The following SYNDIG1 variants were observed in gnomAD, a reference collection of about 807,000 sequenced individuals.
The protein encoded by SYNDIG1 is synapse differentiation inducing 1.
Under a neutral mutation model 19.4 loss-of-function variants are expected in SYNDIG1, and 9 were observed. The observed-to-expected ratio is 0.46, with a 90% CI of 0.28 to 0.81. The LOEUF (loss-of-function observed/expected upper bound fraction) is 0.81. Among genes scored for constraint, SYNDIG1 ranks in the 30% least tolerant of loss-of-function variants. SYNDIG1 has a pLI of 0.12. For synonymous variants in SYNDIG1, 141 were observed against 145.9 expected (o/e 0.97, Z 0.24); for missense variants, 311 against 343.3 (o/e 0.91, Z 0.74).
intron 2 of SYNDIG1, among the ~76,000 whole-genome samples, chr20:24,556,913 T>A (rs1163843903): frequency 6.6e-6 from 1 of 152,206 alleles, no homozygotes; most frequent in Non-Finnish European, 1.5e-5. Context: ...TCCAACTTGG[T>A]TCCATTCTCC....
At chr20:24,533,767 C>G (rs2057307539) in intron 1 of SYNDIG1, among the ~76,000 whole-genome samples, 1 of 152,164 alleles carries the variant, frequency 6.6e-6, no homozygotes, top group African/African-American at 2.4e-5. Context: ...TTGGCCTGGC[C>G]TGACCTGTAT....
intron 2 of SYNDIG1, among the ~76,000 whole-genome samples, chr20:24,558,788 A>C (rs1051056665): frequency 6.6e-6 from 1 of 152,192 alleles, no homozygotes; most frequent in Non-Finnish European, 1.5e-5. Context: ...ATTCCAGTAA[A>C]ATATAGAAAC....
chr20:24,568,939 A>C (rs1453045172), intron 2 of SYNDIG1, among the ~76,000 whole-genome samples: 1 of 152,198 alleles, frequency 6.6e-6, no homozygotes, highest in Non-Finnish European at 1.5e-5. Flanking sequence ...GCACGTCCGT[A>C]ACCAGTTCTG....
At chr20:24,641,778 C>T (rs1310104328) in intron 3 of SYNDIG1, among the ~76,000 whole-genome samples, 1 of 152,224 alleles carries the variant, frequency 6.6e-6, no homozygotes. Context: ...AGACTCACAG[C>T]TCCTGGTCTC....
chr20:24,585,831 G>C (rs1236809757), intron 3 of SYNDIG1, among the ~76,000 whole-genome samples: 1 of 152,376 alleles, frequency 6.6e-6, no homozygotes, highest in African/African-American at 2.4e-5. Flanking sequence ...TCGGGGTGGT[G>C]CTGCGCACCC....
chr20:24,558,270 T>C (rs1236637454), intron 2 of SYNDIG1, among the ~76,000 whole-genome samples: 1 of 152,198 alleles, frequency 6.6e-6, no homozygotes, highest in Non-Finnish European at 1.5e-5. Flanking sequence ...CCAAAAAAAA[T>C]TGTCTACTGG....
chr20:24,594,811 A>G (rs2058571923), intron 3 of SYNDIG1, among the ~76,000 whole-genome samples: 1 of 151,824 alleles, frequency 6.6e-6, no homozygotes, highest in South Asian at 2.1e-4. Context: ...TGCTTTCTTG[A>G]ATCTTGGGTG....
chr20:24,633,436 G>A (rs1360989536), intron 3 of SYNDIG1, among the ~76,000 whole-genome samples: 1 of 152,320 alleles, frequency 6.6e-6, no homozygotes, highest in African/African-American at 2.4e-5. Context: ...ACGGGAGCAG[G>A]TGTAGGGGAG....
At chr20:24,482,002 C>T (rs1225026356) in intron 1 of SYNDIG1, among the ~76,000 whole-genome samples, 5 of 152,002 alleles carry the variant, frequency 3.3e-5, no homozygotes, top group Non-Finnish European at 5.9e-5. Context: ...AATTGGAACG[C>T]ATATAATAAT....
chr20:24,516,326 A>T (rs536407896), intron 1 of SYNDIG1, among the ~76,000 whole-genome samples: 1 of 152,366 alleles, frequency 6.6e-6, no homozygotes, highest in East Asian at 1.9e-4. Flanking sequence ...GCCAAAATTG[A>T]CAAATGGAAT....
intron 1 of SYNDIG1, among the ~76,000 whole-genome samples, chr20:24,516,081 A>C (rs1312800286): frequency 2.6e-5 from 4 of 152,244 alleles, no homozygotes; most frequent in Non-Finnish European, 5.9e-5. Context: ...AAAAACAAGA[A>C]ATGGGGAAAG....
At chr20:24,628,909 T>C (rs1325715660) in intron 3 of SYNDIG1, among the ~76,000 whole-genome samples, 2 of 152,186 alleles carry the variant, frequency 1.3e-5, no homozygotes, top group Non-Finnish European at 2.9e-5. Flanking sequence ...AGCAAGCAGG[T>C]TTGTAGGCTT....
At chr20:24,608,146 G>C (rs1010108135) in intron 3 of SYNDIG1, among the ~76,000 whole-genome samples, 2 of 151,198 alleles carry the variant, frequency 1.3e-5, no homozygotes, top group South Asian at 4.2e-4. Flanking sequence ...ATAAACCCAT[G>C]ACAAATAATA....
chr20:24,629,531 A>G (rs2059208752), intron 3 of SYNDIG1, among the ~76,000 whole-genome samples: 1 of 152,020 alleles, frequency 6.6e-6, no homozygotes. Context: ...CCAAATGAGG[A>G]CCACAGAGAA....
At chr20:24,626,310 C>A (rs2147263361) in intron 3 of SYNDIG1, among the ~76,000 whole-genome samples, 1 of 152,152 alleles carries the variant, frequency 6.6e-6, no homozygotes, top group South Asian at 2.1e-4. Context: ...GGGCTCCTCA[C>A]TTCTCAGAGG....
intron 1 of SYNDIG1, among the ~76,000 whole-genome samples, chr20:24,530,936 G>A (rs1445829631): frequency 6.6e-6 from 1 of 151,944 alleles, no homozygotes; most frequent in Non-Finnish European, 1.5e-5. Context: ...AGGCTCCTGA[G>A]TAGCTGGGAC....
At chr20:24,519,453 T>G (rs978943992) in intron 1 of SYNDIG1, among the ~76,000 whole-genome samples, 2 of 152,240 alleles carry the variant, frequency 1.3e-5, no homozygotes, top group Non-Finnish European at 1.5e-5. Flanking sequence ...TGTGGGTACT[T>G]AAGATCTCAT....
chr20:24,636,087 T>G (rs2059312494), intron 3 of SYNDIG1, among the ~76,000 whole-genome samples: 1 of 152,220 alleles, frequency 6.6e-6, no homozygotes, highest in Non-Finnish European at 1.5e-5. Flanking sequence ...GGGGGCTCTA[T>G]GAACAATGTT....
intron 3 of SYNDIG1, among the ~76,000 whole-genome samples, chr20:24,636,339 G>A (rs1462745348): frequency 6.6e-6 from 1 of 152,190 alleles, no homozygotes; most frequent in Non-Finnish European, 1.5e-5. Context: ...ATTTAAGAGT[G>A]GAGGTTTAAT....
Sources: allele counts gnomAD v4.1 joint callset (sites outside exome capture counted in the v4.1 genomes callset), GRCh38; gene constraint gnomAD v4.1.1; transcripts MANE v1.5; gene names NCBI Gene and HGNC (gene_info 2026-07-23, HGNC 2026-07-21).